NUP93: variants seen among roughly 807,000 people sequenced by gnomAD.
NUP93 encodes the protein nucleoporin 93.
In NUP93, 55 loss-of-function variants were observed where a neutral mutation model predicts 107.8. The ratio of observed to expected loss-of-function variants is 0.51; its 90% CI spans 0.41 to 0.64. The LOEUF (loss-of-function observed/expected upper bound fraction) is 0.64, where lower values mean the gene tolerates loss of function less well. NUP93 is among the 30% of genes least tolerant of loss of function. The pLI is 0.00. For missense variants in NUP93, 937 were observed against 1,044.7 expected, an observed-to-expected ratio of 0.90 and a Z score of 1.42; for synonymous variants, 390 against 397.5, an observed-to-expected ratio of 0.98 and a Z score of 0.22.
rs796764284 is a variant in NUP93, at chr16:56,846,448, G to T, written c.*1839G>T. 2.0e-5 allele frequency: 3 copies of T among 150,836 alleles called. No homozygotes were observed. The highest frequency in any genetic ancestry group is 4.4e-5 in the Non-Finnish European group (3 of 67,798). The allele number at this position is 150,836 out of a possible 1,614,324, so 9.3% of individuals were successfully genotyped here. A position where few individuals can be genotyped will look rare whatever the true frequency, so the allele number is the denominator to read the frequency against. ...ACTCTGGCCGAGTGCAGTGGCTCAC[G>T]CCTGTAACCCCAGCACTTTGGGAGG... is the stretch of plus-strand genomic sequence containing the variant. On this transcript the variant is annotated 3_prime_UTR_variant, in exon 22 of 22. Transcript: ENST00000308159.
Position 56,839,040 on chromosome 16 carries a change from C to T in NUP93, c.2107C>T (p.His703Tyr). The change falls in exon 19 of 22, where the codon CAT (histidine) becomes TAT (tyrosine). Residue 703 changes from histidine (H) to tyrosine (Y), a missense_variant. His to Tyr is a moderately conservative substitution (Grantham distance 83). Coordinates refer to ENST00000308159, the MANE Select transcript of NUP93 (RefSeq NM_014669.5). ...CTTGATCACCTTTTTTGACGAGTAT[C>T]ATAGTGGTCATATTGATAGAGCTTT... ...LDLITFFDEY[H>Y]SGHIDRAFDI... 1 of 1,613,244 alleles carries T rather than the reference C, an allele frequency of 6.2e-7. No homozygotes were observed. Among genetic ancestry groups the T allele is most frequent in the Non-Finnish European group, 8.5e-7 (1 of 1,179,322 alleles).
At chr16:56,779,896 C>T (rs891449394) in intron 3 of NUP93, among the ~76,000 whole-genome samples, 8 of 152,080 alleles carry the variant, frequency 5.3e-5, no homozygotes, top group African/African-American at 1.4e-4. Flanking sequence ...GTTTTACATC[C>T]GTGAAATAGT....
rs139909694 is a variant in NUP93, at chr16:56,845,642, A to G, written c.*1033A>G. 3 of 152,236 alleles carry G rather than the reference A, an allele frequency of 2.0e-5. No homozygotes were observed. Among genetic ancestry groups the G allele is most frequent in the East Asian group, 1.9e-4 (1 of 5,178 alleles). The allele number at this position is 152,236 out of a possible 1,614,324, so 9.4% of individuals were successfully genotyped here. A position where few individuals can be genotyped will look rare whatever the true frequency, so the allele number is the denominator to read the frequency against. On this transcript the variant is annotated 3_prime_UTR_variant, in exon 22 of 22. Coordinates refer to ENST00000308159, the MANE Select transcript of NUP93 (RefSeq NM_014669.5). ...GTCGTGTTTGTTCCTGAATGGGCCA[A>G]CTGGAGCCTTGAGACAGTGGGCAGT... is the stretch of plus-strand genomic sequence containing the variant.
intron 3 of NUP93, among the ~76,000 whole-genome samples, chr16:56,774,139 G>A (rs1436228594): frequency 6.6e-6 from 1 of 152,118 alleles, no homozygotes; most frequent in Non-Finnish European, 1.5e-5. Context: ...GAAGTGGGAG[G>A]ATTAATAATC....
intron 1 of NUP93, among the ~76,000 whole-genome samples, chr16:56,744,825 C>T (rs1037784191): frequency 6.6e-6 from 1 of 152,154 alleles, no homozygotes; most frequent in Non-Finnish European, 1.5e-5. Flanking sequence ...TGTTAAGTAT[C>T]AGTTGGTAGT....
chr16:56,785,919 G>C (rs1202005376), intron 3 of NUP93, among the ~76,000 whole-genome samples: 3 of 152,100 alleles, frequency 2.0e-5, no homozygotes, highest in Non-Finnish European at 4.4e-5. Context: ...GAAATGCCTT[G>C]CCTTATGCTT....
intron 1 of NUP93, chr16:56,747,999 A>G (rs1025395350): frequency 1.6e-5 from 5 of 321,464 alleles, no homozygotes; most frequent in African/African-American, 8.4e-5. Flanking sequence ...GCAGAAATCA[A>G]TCTTGGGGCT....
chr16:56,760,492 C>T (rs1962104013), intron 3 of NUP93, among the ~76,000 whole-genome samples: 1 of 152,012 alleles, frequency 6.6e-6, no homozygotes, highest in African/African-American at 2.4e-5. Context: ...CTGGGGAGGC[C>T]TCAGGGAGCT....
intron 1 of NUP93, 139 bp downstream of exon 1, chr16:56,730,350 G>T (rs1022666243): frequency 6.6e-6 from 1 of 152,244 alleles, no homozygotes; most frequent in African/African-American, 2.4e-5. Flanking sequence ...AGCCGGGCAC[G>T]CCTGACGCCG....
Position 56,840,263 on chromosome 16 carries a change from G to T in NUP93, c.2220+659G>T, listed in dbSNP as rs534537409. Among the ~76,000 whole-genome samples the T allele has an allele frequency of 4.6e-5, 7 of 152,264 alleles. No homozygotes were observed. The East Asian group carries it at 1.2e-3, about 25-fold the overall frequency. ...TCTCGATCTTCTGACCTCGTGATCTGCCCGCCTCGGCCTCCCAAAATGCTG... is the reference window on the plus strand; with the variant it reads ...TCTCGATCTTCTGACCTCGTGATCTTCCCGCCTCGGCCTCCCAAAATGCTG... On this transcript the variant is annotated intron_variant, in intron 20 of 21. Coordinates refer to ENST00000308159, the MANE Select transcript of NUP93 (RefSeq NM_014669.5).
intron 5 of NUP93, among the ~76,000 whole-genome samples, chr16:56,808,659 T>TTTATATAA (rs1963235234): frequency 7.4e-6 from 1 of 134,728 alleles, no homozygotes; most frequent in African/African-American, 2.8e-5. Context: ...TAAAAATACA[T>TTTATATAA]ATATTTATAA....
At chr16:56,747,590 A>G (rs1961841896) in intron 1 of NUP93, among the ~76,000 whole-genome samples, 1 of 151,916 alleles carries the variant, frequency 6.6e-6, no homozygotes, top group Admixed American at 6.6e-5. Flanking sequence ...ATGTTAGTGA[A>G]GGAGCAGGTG....
chr16:56,823,614 A>G, intron 7 of NUP93, 93 bp from the exon 8 acceptor site: 1 of 1,452,540 alleles, frequency 6.9e-7, no homozygotes, highest in Non-Finnish European at 9.5e-7. Flanking sequence ...CCCCCACCAC[A>G]TTCTGCCCCC....
At chr16:56,827,198 T>G (rs1963686285) in intron 8 of NUP93, among the ~76,000 whole-genome samples, 1 of 152,144 alleles carries the variant, frequency 6.6e-6, no homozygotes, top group Admixed American at 6.5e-5. Context: ...CATATTATAT[T>G]TAGAAAGTTA....
intron 8 of NUP93, among the ~76,000 whole-genome samples, chr16:56,827,069 A>AT (rs1299742901): frequency 0.015 from 1,881 of 124,674 alleles, 97 homozygotes; most frequent in Middle Eastern, 0.037. Context: ...AAAAAAAAAA[A>AT]TTTTGTTGAG....
At position 56,837,693 on chromosome 16, in the gene NUP93, G is replaced by A. The variant is rs561638940; in HGVS notation, c.1985G>A (p.Arg662Lys). 58 of 1,614,130 alleles carry A rather than the reference G, an allele frequency of 3.6e-5. No individual in the cohort carries two copies. The East Asian group carries it at 5.1e-4, about 14-fold the overall frequency. ...QISAPQSNKERLKNMALSIAE... is the reference protein window; with the variant it reads ...QISAPQSNKEKLKNMALSIAE... ...AGTGCCCCGCAATCCAACAAGGAGAGGCTGAAGAACATGGCACTCTCCATT... is the reference window on the plus strand; with the variant it reads ...AGTGCCCCGCAATCCAACAAGGAGAAGCTGAAGAACATGGCACTCTCCATT... The change falls in exon 18 of 22, where the codon AGG becomes AAG. Residue 662 changes from arginine (R) to lysine (K), a missense_variant. By Grantham distance (26) the Arg-to-Lys change is conservative. Coordinates refer to ENST00000308159, the MANE Select transcript of NUP93 (RefSeq NM_014669.5).
chr16:56,841,455 A>G (rs1256676765), intron 20 of NUP93, among the ~76,000 whole-genome samples: 1 of 152,246 alleles, frequency 6.6e-6, no homozygotes. Flanking sequence ...ACTGCCCCTG[A>G]CTAAGGGAAA....
At chr16:56,796,355 G>T (rs1263639414) in intron 3 of NUP93, among the ~76,000 whole-genome samples, 1 of 152,152 alleles carries the variant, frequency 6.6e-6, no homozygotes, top group Non-Finnish European at 1.5e-5. Context: ...TGCTGTACAG[G>T]TTCGTAGCCT....
At chr16:56,797,203 G>A (rs907705015) in intron 3 of NUP93, among the ~76,000 whole-genome samples, 4 of 152,192 alleles carry the variant, frequency 2.6e-5, no homozygotes, top group African/African-American at 7.2e-5. Context: ...CCAGGAGGCT[G>A]AGTTTACAGT....
Sources: gnomAD v4.1 joint callset for allele counts (sites outside exome capture counted in the v4.1 genomes callset) on GRCh38, gnomAD v4.1.1 for gene constraint, MANE v1.5 for transcripts, NCBI Gene and HGNC (gene_info 2026-07-23, HGNC 2026-07-21) for gene names.